CEP192: variants seen among roughly 807,000 people sequenced by gnomAD.
The protein encoded by CEP192 is centrosomal protein 192.
Under a neutral mutation model 271.8 loss-of-function variants are expected in CEP192, and 151 were observed. That is an observed-to-expected ratio of 0.56 (90% confidence interval 0.49 to 0.64). The LOEUF is 0.64. Ranked by LOEUF, CEP192 falls within the 30% of genes least tolerant of loss-of-function variation. The pLI, the probability that CEP192 is intolerant of heterozygous loss-of-function variation, is 0.00. For synonymous variants in CEP192, 995 were observed against 1,076.5 expected, an observed-to-expected ratio of 0.92 and a Z score of 1.48; for missense variants, 2,910 against 3,020.5, an observed-to-expected ratio of 0.96 and a Z score of 0.86.
At chr18:13,042,719 A>T (rs1293009709) in intron 15 of CEP192, among the ~76,000 whole-genome samples, 1 of 152,210 alleles carries the variant, frequency 6.6e-6, no homozygotes, top group Non-Finnish European at 1.5e-5. Context: ...TGTGGCATGT[A>T]TTCCTTTTCT....
chr18:13,031,740 G>A (rs1288622209), intron 11 of CEP192, among the ~76,000 whole-genome samples: 2 of 152,152 alleles, frequency 1.3e-5, no homozygotes, highest in Non-Finnish European at 2.9e-5. Flanking sequence ...TCGGCATCAT[G>A]AGAAACTCAA....
intron 21 of CEP192, among the ~76,000 whole-genome samples, chr18:13,061,192 G>T (rs1484810016): frequency 1.3e-5 from 2 of 152,068 alleles, no homozygotes; most frequent in Admixed American, 1.3e-4. Context: ...GTGTGGTGGC[G>T]GGCGCCTGTA....
intron 15 of CEP192, 84 bp downstream of exon 15, chr18:13,042,418 A>G (rs1255057195): frequency 1.5e-6 from 2 of 1,373,386 alleles, no homozygotes; most frequent in South Asian, 1.3e-5. Context: ...CCTGTGAAAA[A>G]TTTATGCCGT....
At chr18:13,033,305 G>A (rs1054875894) in intron 11 of CEP192, among the ~76,000 whole-genome samples, 2 of 152,042 alleles carry the variant, frequency 1.3e-5, no homozygotes, top group Non-Finnish European at 1.5e-5. Flanking sequence ...AAATAAAAAC[G>A]ATCGTTAAAT....
intron 1 of CEP192, among the ~76,000 whole-genome samples, chr18:12,992,948 C>T (rs1191975378): frequency 1.3e-5 from 2 of 152,156 alleles, no homozygotes; most frequent in Non-Finnish European, 2.9e-5. Context: ...TAAATAGGGA[C>T]AACTGTTGAA....
At chr18:13,037,904 T>G (rs895589932) in intron 12 of CEP192, among the ~76,000 whole-genome samples, 9 of 152,164 alleles carry the variant, frequency 5.9e-5, no homozygotes, top group African/African-American at 1.4e-4. Context: ...ATCCTGTTTG[T>G]TTTTTTATGA....
intron 15 of CEP192, among the ~76,000 whole-genome samples, chr18:13,047,360 TACAC>T (rs35070042): frequency 1.4e-4 from 21 of 150,850 alleles, no homozygotes; most frequent in Admixed American, 1.1e-3. Flanking sequence ...CCCTCAAACA[TACAC>T]ACACACACAC....
intron 9 of CEP192, among the ~76,000 whole-genome samples, chr18:13,027,209 A>T (rs2035351603): frequency 1.3e-5 from 2 of 152,140 alleles, no homozygotes; most frequent in African/African-American, 4.8e-5. Flanking sequence ...GGCTCAGATA[A>T]AACCCCAGCA....
rs1311641477 is a variant in CEP192, at chr18:13,067,930, G to T, written c.4588G>T (p.Val1530Leu). 1.2e-6 allele frequency: 2 copies of T among 1,612,186 alleles called. No homozygotes were observed. Among genetic ancestry groups the T allele is most frequent in the African/African-American group, 2.7e-5 (2 of 74,920 alleles). The change falls in exon 22 of 45, where the codon GTG (valine) becomes TTG (leucine). Residue 1530 changes from valine to leucine, a missense_variant. Val to Leu is a conservative substitution (Grantham distance 32). Coordinates refer to ENST00000506447, the MANE Select transcript of CEP192 (RefSeq NM_032142.4). ...ATTGATAAACCGAACGCATGCCACT[G>T]TGCCAATTAGACTGATTATTAATGC... is the stretch of plus-strand genomic sequence containing the variant. ...LKLINRTHAT[V>L]PIRLIINANA...
At chr18:13,090,659 A>G (rs1026214177) in intron 33 of CEP192, among the ~76,000 whole-genome samples, 1 of 152,128 alleles carries the variant, frequency 6.6e-6, no homozygotes. Context: ...AAAAATGACA[A>G]AAAGACTTCA....
intron 44 of CEP192, among the ~76,000 whole-genome samples, chr18:13,123,273 T>A (rs1372586133): frequency 1.3e-5 from 2 of 152,182 alleles, no homozygotes; most frequent in African/African-American, 4.8e-5. Flanking sequence ...AAGTACATTA[T>A]CTTTGACATG....
chr18:13,069,292 T>C (rs1481021381), intron 26 of CEP192, 111 bp downstream of exon 26: 9 of 849,776 alleles, frequency 1.1e-5, no homozygotes, highest in Non-Finnish European at 1.7e-5. Flanking sequence ...GCCCTGAACC[T>C]CAGATGAAAG....
chr18:13,002,957 T>C (rs1246716071), intron 3 of CEP192, among the ~76,000 whole-genome samples: 1 of 152,234 alleles, frequency 6.6e-6, no homozygotes, highest in Non-Finnish European at 1.5e-5. Flanking sequence ...TAATTTTGAC[T>C]GAGTGCCTAC....
At chr18:13,052,287 G>T (rs952346965) in intron 17 of CEP192, among the ~76,000 whole-genome samples, 2 of 152,184 alleles carry the variant, frequency 1.3e-5, no homozygotes, top group African/African-American at 4.8e-5. Context: ...CTTTTGAATG[G>T]CTGCATAGTG....
chr18:13,099,667 T>A, intron 37 of CEP192, 86 bp downstream of exon 37: 1 of 670,720 alleles, frequency 1.5e-6, no homozygotes. Context: ...GCACTTAATT[T>A]CAGAAATCAA....
Position 13,124,755 on chromosome 18 carries a change from T to G in CEP192, c.7599T>G (p.Ala2533=). Residue 2533 remains alanine (A), a synonymous_variant, in exon 45 of 45, where the codon GCT becomes GCG. Coordinates refer to ENST00000506447, the MANE Select transcript of CEP192 (RefSeq NM_032142.4). ...KSIAIRLIGE[A]LGKN ...TTGCTATTCGACTAATTGGTGAAGC[T>G]CTTGGAAAAAATTAACTAGAATACA... 6.2e-7 allele frequency: 1 copy of G among 1,605,360 alleles called. No individual in the cohort carries two copies. The highest frequency in any genetic ancestry group is 8.5e-7 in the Non-Finnish European group (1 of 1,173,214).
At chr18:13,009,776 C>G (rs960143336) in intron 4 of CEP192, among the ~76,000 whole-genome samples, 1 of 152,136 alleles carries the variant, frequency 6.6e-6, no homozygotes, top group East Asian at 1.9e-4. Flanking sequence ...GAGATTGCAG[C>G]AAGCCGAGAT....
intron 44 of CEP192, among the ~76,000 whole-genome samples, chr18:13,120,251 A>G (rs1294099788): frequency 6.6e-6 from 1 of 152,202 alleles, no homozygotes; most frequent in Non-Finnish European, 1.5e-5. Flanking sequence ...GGGATTTTTG[A>G]AAGATGCCTA....
At chr18:13,090,999 G>A (rs1488132831) in intron 33 of CEP192, among the ~76,000 whole-genome samples, 2 of 152,230 alleles carry the variant, frequency 1.3e-5, no homozygotes, top group African/African-American at 4.8e-5. Flanking sequence ...ACTGGATGCA[G>A]AGGTACTGGA....
Sources: allele counts gnomAD v4.1 joint callset (sites outside exome capture counted in the v4.1 genomes callset), GRCh38; gene constraint gnomAD v4.1.1; transcripts MANE v1.5; gene names NCBI Gene and HGNC (gene_info 2026-07-23, HGNC 2026-07-21).